The following GPR158 variants were observed in gnomAD, a reference collection of about 807,000 sequenced individuals.
GPR158 encodes metabotropic glycine receptor.
Under a neutral mutation model 78.2 loss-of-function variants are expected in GPR158, and 30 were observed. The observed-to-expected ratio is 0.38, with a 90% CI of 0.29 to 0.52. The LOEUF (loss-of-function observed/expected upper bound fraction) is 0.52. Among genes scored for constraint, GPR158 ranks in the 20% least tolerant of loss-of-function variants. The pLI is 0.83. For synonymous variants in GPR158, 581 were observed against 591.1 expected, an observed-to-expected ratio of 0.98 and a Z score of 0.25; for missense variants, 1,463 against 1,523.5, an observed-to-expected ratio of 0.96 and a Z score of 0.66.
At chr10:25,426,131 A>T (rs1466682031) in intron 4 of GPR158, among the ~76,000 whole-genome samples, 1 of 152,156 alleles carries the variant, frequency 6.6e-6, no homozygotes, top group African/African-American at 2.4e-5. Context: ...GATGAGTTTC[A>T]TCATATGTAA....
At chr10:25,579,378 A>AT (rs1308315794) in intron 7 of GPR158, among the ~76,000 whole-genome samples, 1 of 152,310 alleles carries the variant, frequency 6.6e-6, no homozygotes, top group East Asian at 1.9e-4. Context: ...AATAGACCAG[A>AT]TCTTGACACC....
At chr10:25,279,101 A>G (rs1314973115) in intron 2 of GPR158, among the ~76,000 whole-genome samples, 1 of 152,168 alleles carries the variant, frequency 6.6e-6, no homozygotes, top group African/African-American at 2.4e-5. Context: ...ATGAGACAGG[A>G]GGGAGTTGAT....
intron 2 of GPR158, among the ~76,000 whole-genome samples, chr10:25,373,138 C>A (rs34679593): frequency 0.16 from 23,824 of 151,866 alleles, 2,156 homozygotes; most frequent in African/African-American, 0.24. Context: ...GAGATCCTGT[C>A]CTCTGTAGCA....
At chr10:25,369,365 T>C (rs2130546294) in intron 2 of GPR158, among the ~76,000 whole-genome samples, 1 of 149,920 alleles carries the variant, frequency 6.7e-6, no homozygotes, top group Non-Finnish European at 1.5e-5. Context: ...TTATTGAGAG[T>C]TTTTAGCATG....
intron 2 of GPR158, among the ~76,000 whole-genome samples, chr10:25,221,836 G>GA (rs1340351129): frequency 6.6e-6 from 1 of 152,108 alleles, no homozygotes; most frequent in East Asian, 1.9e-4. Flanking sequence ...TCAAACTATG[G>GA]AACAAACATA....
At chr10:25,278,304 A>G (rs1286170829) in intron 2 of GPR158, among the ~76,000 whole-genome samples, 1 of 152,198 alleles carries the variant, frequency 6.6e-6, no homozygotes, top group African/African-American at 2.4e-5. Context: ...AAATTAACTC[A>G]TAAATATATT....
chr10:25,205,818 T>G (rs1344860997), intron 1 of GPR158, among the ~76,000 whole-genome samples: 1 of 152,128 alleles, frequency 6.6e-6, no homozygotes, highest in Non-Finnish European at 1.5e-5. Context: ...TTTTAGTTTT[T>G]TTTTTAATTT....
intron 2 of GPR158, among the ~76,000 whole-genome samples, chr10:25,322,150 G>A (rs1338664112): frequency 6.6e-6 from 1 of 152,132 alleles, no homozygotes; most frequent in African/African-American, 2.4e-5. Flanking sequence ...GGGAGGCTGA[G>A]GCGGGCAGAT....
At chr10:25,372,629 AT>A (rs1344315673) in intron 2 of GPR158, among the ~76,000 whole-genome samples, 3 of 144,082 alleles carry the variant, frequency 2.1e-5, no homozygotes, top group Non-Finnish European at 4.5e-5. Flanking sequence ...AACACCGCAT[AT>A]TCTCAGTCAT....
At chr10:25,376,261 A>G (rs1834078261) in intron 2 of GPR158, among the ~76,000 whole-genome samples, 1 of 151,308 alleles carries the variant, frequency 6.6e-6, no homozygotes, top group South Asian at 2.1e-4. Context: ...TCTCTTGTGT[A>G]TTTTTTTCCA....
intron 4 of GPR158, among the ~76,000 whole-genome samples, chr10:25,413,416 T>C (rs1266604933): frequency 6.6e-6 from 1 of 152,184 alleles, no homozygotes; most frequent in Non-Finnish European, 1.5e-5. Flanking sequence ...GGACAAAGCT[T>C]TTGGGGGAGC....
chr10:25,580,985 C>T (rs937481938), intron 7 of GPR158, among the ~76,000 whole-genome samples: 25 of 144,614 alleles, frequency 1.7e-4, no homozygotes, highest in African/African-American at 5.3e-4. Flanking sequence ...ACTGCAGTGG[C>T]GCAATCTCGG....
intron 2 of GPR158, among the ~76,000 whole-genome samples, chr10:25,280,286 T>C (rs1360644663): frequency 6.6e-6 from 1 of 152,220 alleles, no homozygotes; most frequent in Non-Finnish European, 1.5e-5. Flanking sequence ...AAAAAAGATA[T>C]GCCAGGAGAA....
At chr10:25,361,707 CT>C (rs1308485773) in intron 2 of GPR158, among the ~76,000 whole-genome samples, 1 of 151,882 alleles carries the variant, frequency 6.6e-6, no homozygotes, top group African/African-American at 2.4e-5. Flanking sequence ...GCAAGCATCT[CT>C]TTGGATACTT....
chr10:25,469,305 A>C (rs539142083), intron 5 of GPR158, among the ~76,000 whole-genome samples: 1 of 152,274 alleles, frequency 6.6e-6, no homozygotes, highest in Admixed American at 6.5e-5. Flanking sequence ...CTGCTTAGGC[A>C]ACCACTCCAT....
chr10:25,571,259 TC>T (rs1837004400), intron 6 of GPR158, among the ~76,000 whole-genome samples: 1 of 152,168 alleles, frequency 6.6e-6, no homozygotes, highest in Admixed American at 6.5e-5. Flanking sequence ...TTTCTGACGT[TC>T]CACAGAAAAA....
intron 5 of GPR158, among the ~76,000 whole-genome samples, chr10:25,468,698 A>G (rs1835456194): frequency 6.6e-6 from 1 of 152,212 alleles, no homozygotes; most frequent in Non-Finnish European, 1.5e-5. Flanking sequence ...CATACCAGTA[A>G]CATGTCTGAA....
chr10:25,476,619 C>A (rs758687578), intron 5 of GPR158, among the ~76,000 whole-genome samples: 1 of 152,092 alleles, frequency 6.6e-6, no homozygotes, highest in Non-Finnish European at 1.5e-5. Flanking sequence ...AGGCTGAGAG[C>A]GATTATGATT....
chr10:25,194,402 GGT>G (rs1852817327), intron 1 of GPR158, among the ~76,000 whole-genome samples: 1 of 152,138 alleles, frequency 6.6e-6, no homozygotes, highest in African/African-American at 2.4e-5. Flanking sequence ...AGCCAAGCGT[GGT>G]GGTGCATGCC....
Sources: gnomAD v4.1 joint callset for allele counts (sites outside exome capture counted in the v4.1 genomes callset) on GRCh38, gnomAD v4.1.1 for gene constraint, MANE v1.5 for transcripts, NCBI Gene and HGNC (gene_info 2026-07-23, HGNC 2026-07-21) for gene names.